MGAT4C: variants seen among roughly 807,000 people sequenced by gnomAD.
MGAT4C encodes the protein MGAT4 family member C, also known as alpha-1,3-mannosyl-glycoprotein 4-beta-N-acetylglucosaminyltransferase C.
MGAT4C carries 19 observed loss-of-function variants against 40.1 expected under a neutral mutation model. The observed-to-expected ratio is 0.47, with a 90% CI of 0.33 to 0.70. The LOEUF (loss-of-function observed/expected upper bound fraction) is 0.70, where lower values mean the gene tolerates loss of function less well. Among genes scored for constraint, MGAT4C ranks in the 30% least tolerant of loss-of-function variants. The pLI, the probability that MGAT4C is intolerant of heterozygous loss-of-function variation, is 0.02. For missense variants in MGAT4C, 491 were observed against 563.2 expected, an observed-to-expected ratio of 0.87 and a Z score of 1.30; for synonymous variants, 181 against 187.1, an observed-to-expected ratio of 0.97 and a Z score of 0.27.
intron 3 of MGAT4C, among the ~76,000 whole-genome samples, chr12:86,353,012 TATA>T (rs1296413403): frequency 6.8e-6 from 1 of 146,916 alleles, no homozygotes; most frequent in Non-Finnish European, 1.5e-5. Context: ...AAACTTAAAG[TATA>T]ATAATAATAA....
chr12:86,611,572 C>T lies in MGAT4C; in HGVS notation c.-229+115637G>A, dbSNP rs146807528. Among the ~76,000 whole-genome samples, 476 of 152,204 alleles carry T rather than the reference C, an allele frequency of 3.1e-3. 2 individuals carry two copies. The highest frequency in any genetic ancestry group is 0.011 in the African/African-American group (459 of 41,516). On this transcript the variant is annotated intron_variant, in intron 2 of 7. Transcript: ENST00000548651. ...TTCATAACTGAACAACTCCTCTGCACGTCTCCTTCAGCAATTTGTAGTACT... is the reference window on the plus strand; with the variant it reads ...TTCATAACTGAACAACTCCTCTGCATGTCTCCTTCAGCAATTTGTAGTACT...
chr12:86,776,685 A>G (rs1400713684), intron 1 of MGAT4C, among the ~76,000 whole-genome samples: 3 of 152,074 alleles, frequency 2.0e-5, no homozygotes, highest in Admixed American at 2.0e-4. Flanking sequence ...CAGTTTTACT[A>G]TCTATAAAAT....
rs1230785087 is a variant in MGAT4C, at chr12:85,960,210, A to T, written c.*19079T>A. Reference sequence around the variant, plus strand: ...AAGAATAAAAACATGATACAACTTGAAGAAATTTTCATCAAACGTCTTTGT... The same window carrying T: ...AAGAATAAAAACATGATACAACTTGTAGAAATTTTCATCAAACGTCTTTGT... On this transcript the variant is annotated 3_prime_UTR_variant, in exon 5 of 5. Coordinates refer to ENST00000611864, the MANE Select transcript of MGAT4C (RefSeq NM_001351288.2). 1 of 152,070 alleles carries T rather than the reference A, an allele frequency of 6.6e-6. No homozygotes were observed. Among genetic ancestry groups the T allele is most frequent in the African/African-American group, 2.4e-5 (1 of 41,452 alleles). 9.4% of individuals were successfully genotyped at this position (152,070 alleles called of 1,614,324 possible).
chr12:86,351,213 C>T (rs1308619079), intron 3 of MGAT4C, among the ~76,000 whole-genome samples: 5 of 151,758 alleles, frequency 3.3e-5, no homozygotes, highest in African/African-American at 1.2e-4. Flanking sequence ...GCCAAATTTG[C>T]CTCACACATT....
intron 2 of MGAT4C, among the ~76,000 whole-genome samples, chr12:86,595,796 A>C (rs1317905278): frequency 6.6e-6 from 1 of 152,164 alleles, no homozygotes; most frequent in Admixed American, 6.5e-5. Context: ...TTCTAAATTA[A>C]GTTTCTGACT....
At chr12:86,305,713 C>G (rs568779522) in intron 4 of MGAT4C, among the ~76,000 whole-genome samples, 3 of 150,198 alleles carry the variant, frequency 2.0e-5, no homozygotes, top group African/African-American at 5.0e-5. Context: ...TCTATACTTA[C>G]GTTTATCACT....
chr12:86,582,467 T>G (rs954387245), intron 2 of MGAT4C, among the ~76,000 whole-genome samples: 1 of 151,328 alleles, frequency 6.6e-6, no homozygotes, highest in African/African-American at 2.4e-5. Flanking sequence ...AATCCAATTA[T>G]GCCTACACTG....
intron 1 of MGAT4C, among the ~76,000 whole-genome samples, chr12:86,170,098 T>A (rs997092793): frequency 7.9e-5 from 12 of 152,188 alleles, no homozygotes; most frequent in African/African-American, 2.9e-4. Context: ...CTCCCAGATG[T>A]GTGGCAGAAA....
intron 2 of MGAT4C, among the ~76,000 whole-genome samples, chr12:86,489,437 G>T (rs1479389949): frequency 6.6e-6 from 1 of 152,164 alleles, no homozygotes; most frequent in East Asian, 1.9e-4. Flanking sequence ...ACCCTAAAAG[G>T]CTGTCACACT....
intron 3 of MGAT4C, among the ~76,000 whole-genome samples, chr12:86,428,422 G>A (rs1329193579): frequency 6.6e-6 from 1 of 152,144 alleles, no homozygotes; most frequent in Non-Finnish European, 1.5e-5. Context: ...GACACTACAG[G>A]CATGTGCCAC....
At chr12:86,500,212 C>T (rs1403133039) in intron 2 of MGAT4C, among the ~76,000 whole-genome samples, 1 of 151,342 alleles carries the variant, frequency 6.6e-6, no homozygotes, top group Non-Finnish European at 1.5e-5. Context: ...TGTATTTATA[C>T]ACACACACAT....
At chr12:86,370,146 C>T (rs1259513074) in intron 3 of MGAT4C, among the ~76,000 whole-genome samples, 1 of 151,894 alleles carries the variant, frequency 6.6e-6, no homozygotes, top group Non-Finnish European at 1.5e-5. Context: ...GCCTTAGTAC[C>T]AACTTTGTAA....
At chr12:86,660,685 T>G (rs1963959771) in intron 2 of MGAT4C, among the ~76,000 whole-genome samples, 1 of 152,118 alleles carries the variant, frequency 6.6e-6, no homozygotes, top group South Asian at 2.1e-4. Context: ...GACACTAATA[T>G]TTAACGGTAC....
intron 2 of MGAT4C, among the ~76,000 whole-genome samples, chr12:86,691,109 G>A (rs1261082581): frequency 1.3e-5 from 2 of 152,106 alleles, no homozygotes; most frequent in Non-Finnish European, 2.9e-5. Flanking sequence ...TTTCTCCTAT[G>A]ATCTGTCTAT....
chr12:86,569,456 A>G (rs899549991), intron 2 of MGAT4C, among the ~76,000 whole-genome samples: 1 of 152,100 alleles, frequency 6.6e-6, no homozygotes, highest in African/African-American at 2.4e-5. Context: ...GAGAAATGCA[A>G]ATCAAAACCT....
chr12:86,346,738 G>T (rs574496938), intron 3 of MGAT4C, among the ~76,000 whole-genome samples: 50 of 152,158 alleles, frequency 3.3e-4, no homozygotes, highest in Non-Finnish European at 6.6e-4. Flanking sequence ...GTTCCTAGGT[G>T]TGTCTGTGAG....
At chr12:86,505,191 C>A (rs1285713977) in intron 2 of MGAT4C, among the ~76,000 whole-genome samples, 1 of 151,648 alleles carries the variant, frequency 6.6e-6, no homozygotes, top group Non-Finnish European at 1.5e-5. Flanking sequence ...GGCTTCATGA[C>A]TACTCTCAAT....
chr12:86,050,939 A>C (rs1892836487), intron 1 of MGAT4C, among the ~76,000 whole-genome samples: 1 of 152,034 alleles, frequency 6.6e-6, no homozygotes, highest in Admixed American at 6.6e-5. Context: ...ATTCACTGGC[A>C]TGGAGCAGAA....
At chr12:86,111,202 T>A (rs1284762085) in intron 1 of MGAT4C, among the ~76,000 whole-genome samples, 1 of 151,740 alleles carries the variant, frequency 6.6e-6, no homozygotes, top group African/African-American at 2.4e-5. Flanking sequence ...TACACAGGTA[T>A]AAAAATATAA....
Sources: allele counts gnomAD v4.1 joint callset (sites outside exome capture counted in the v4.1 genomes callset), GRCh38; gene constraint gnomAD v4.1.1; transcripts MANE v1.5; gene names NCBI Gene and HGNC (gene_info 2026-07-23, HGNC 2026-07-21).